The following LRRC17 variants were observed in gnomAD, a reference collection of about 807,000 sequenced individuals.
LRRC17 encodes the protein leucine-rich repeat-containing protein 17.
Under a neutral mutation model 41.5 loss-of-function variants are expected in LRRC17, and 33 were observed. That is an observed-to-expected ratio of 0.80 (90% CI 0.60 to 1.06). The LOEUF is 1.06. LRRC17 is among the 50% of genes least tolerant of loss of function. The pLI is 0.00. For missense variants in LRRC17, 491 were observed against 519.3 expected, an observed-to-expected ratio of 0.95 and a Z score of 0.53; for synonymous variants, 192 against 197.0, an observed-to-expected ratio of 0.97 and a Z score of 0.21.
intron 1 of LRRC17, among the ~76,000 whole-genome samples, chr7:102,922,963 G>A (rs1337147525): frequency 6.6e-6 from 1 of 152,130 alleles, no homozygotes. Context: ...GGGCGACAGA[G>A]CGAGACTCCG....
chr7:102,926,268 C>T lies in LRRC17; in HGVS notation c.-140-7506C>T. On this transcript the variant is annotated intron_variant, in intron 1 of 3. Coordinates refer to ENST00000339431, the MANE Select transcript of LRRC17 (RefSeq NM_001031692.3). ...TTCAGTGTCATACAAATAACACAAA[C>T]ATTACCTCGGCAGGAGTCGCATCGT... The T allele has an allele frequency of 2.5e-6, 4 of 1,611,516 alleles. No homozygotes were observed. In the African/African-American group the frequency reaches 5.3e-5, roughly 22 times the overall value.
intron 2 of LRRC17, chr7:102,936,214 C>G (rs1411331338): frequency 2.6e-5 from 4 of 152,212 alleles, no homozygotes; most frequent in African/African-American, 9.7e-5. Flanking sequence ...CTCCAGGTAC[C>G]CACACACGCA....
chr7:102,933,485 A>G (rs1197527828), intron 1 of LRRC17: 1 of 153,362 alleles, frequency 6.5e-6, no homozygotes, highest in East Asian at 1.9e-4. Context: ...TCTTATGCGC[A>G]TGAGCCTATT....
chr7:102,921,624 G>T (rs1278139646), intron 1 of LRRC17, among the ~76,000 whole-genome samples: 2 of 152,080 alleles, frequency 1.3e-5, no homozygotes, highest in Non-Finnish European at 2.9e-5. Context: ...AGGCTATGGT[G>T]AGCCGAGATC....
intron 1 of LRRC17, among the ~76,000 whole-genome samples, chr7:102,921,026 C>T (rs1816878527): frequency 6.6e-6 from 1 of 152,034 alleles, no homozygotes; most frequent in South Asian, 2.1e-4. Context: ...GTGGCGGGCA[C>T]CTGTAATCCC....
intron 1 of LRRC17, chr7:102,926,263 A>G: frequency 1.2e-6 from 2 of 1,610,752 alleles, no homozygotes; most frequent in Non-Finnish European, 1.7e-6. Context: ...TACAAATAAC[A>G]CAAACATTAC....
chr7:102,942,367 T>A, intron 3 of LRRC17: 1 of 1,526,222 alleles, frequency 6.6e-7, no homozygotes, highest in Non-Finnish European at 8.8e-7. Context: ...GCAGTGGGAG[T>A]TGCCAGACTT....
At chr7:102,939,895 T>C (rs577377912) in intron 3 of LRRC17, among the ~76,000 whole-genome samples, 2 of 140,444 alleles carry the variant, frequency 1.4e-5, no homozygotes, top group African/African-American at 5.0e-5. Context: ...AATGTAGTGG[T>C]TTTTTTTTTG....
intron 1 of LRRC17, among the ~76,000 whole-genome samples, chr7:102,921,285 A>C (rs1816960641): frequency 6.6e-6 from 1 of 152,258 alleles, no homozygotes; most frequent in South Asian, 2.1e-4. Context: ...AATAACATCA[A>C]AATAAAGAGA....
At chr7:102,939,120 C>A (rs1322477340) in intron 2 of LRRC17, among the ~76,000 whole-genome samples, 1 of 152,202 alleles carries the variant, frequency 6.6e-6, no homozygotes, top group African/African-American at 2.4e-5. Context: ...GATAAACAGG[C>A]TGCTTTCTAG....
intron 1 of LRRC17, among the ~76,000 whole-genome samples, chr7:102,931,120 A>T (rs571660593): frequency 6.6e-6 from 1 of 152,318 alleles, no homozygotes; most frequent in East Asian, 1.9e-4. Context: ...AGCTTGATAA[A>T]GAGGAAAGCA....
At chr7:102,943,175 A>G (rs1821784858) in intron 3 of LRRC17, among the ~76,000 whole-genome samples, 1 of 152,170 alleles carries the variant, frequency 6.6e-6, no homozygotes, top group Admixed American at 6.5e-5. Context: ...AACACTGGGA[A>G]AAGGTTGTTT....
At chr7:102,915,737 AC>A (rs1031917804) in intron 1 of LRRC17, among the ~76,000 whole-genome samples, 7 of 111,022 alleles carry the variant, frequency 6.3e-5, no homozygotes, top group African/African-American at 2.4e-4. Context: ...AAATAAAAAA[AC>A]ATTTATGAGT....
At chr7:102,913,458 A>C (rs764789049) in intron 1 of LRRC17, among the ~76,000 whole-genome samples, 1 of 152,228 alleles carries the variant, frequency 6.6e-6, no homozygotes, top group Non-Finnish European at 1.5e-5. Context: ...TAGTTCAATA[A>C]TATTTGCCTA....
intron 1 of LRRC17, among the ~76,000 whole-genome samples, chr7:102,922,098 G>A (rs1314418646): frequency 6.6e-6 from 1 of 151,964 alleles, no homozygotes. Flanking sequence ...GCTGAGGCAG[G>A]AGACTTGCTT....
At chr7:102,927,175 G>A (rs1818301747) in intron 1 of LRRC17, among the ~76,000 whole-genome samples, 1 of 152,200 alleles carries the variant, frequency 6.6e-6, no homozygotes, top group Non-Finnish European at 1.5e-5. Flanking sequence ...GCTGCTTTTT[G>A]TATAGGTAAC....
chr7:102,930,779 A>T (rs1480281497), intron 1 of LRRC17, among the ~76,000 whole-genome samples: 1 of 152,120 alleles, frequency 6.6e-6, no homozygotes, highest in Non-Finnish European at 1.5e-5. Flanking sequence ...GATCTTATTC[A>T]CGCTTATGAT....
chr7:102,919,416 T>C (rs1281438664), intron 1 of LRRC17, among the ~76,000 whole-genome samples: 1 of 152,212 alleles, frequency 6.6e-6, no homozygotes, highest in Admixed American at 6.5e-5. Flanking sequence ...AACAAATGCA[T>C]TGAAGCATTA....
In LRRC17 at chr7:102,944,591, T is replaced by C. The variant is rs1822126142; in HGVS notation, c.1310T>C (p.Ile437Thr). 1 of 1,605,820 alleles carries C rather than the reference T, an allele frequency of 6.2e-7. No individual in the cohort carries two copies. The change falls in exon 4 of 4, where the codon ATT becomes ACT. Residue 437 changes from isoleucine (I) to threonine (T), a missense_variant. Ile to Thr is a moderately conservative substitution (Grantham distance 89). Coordinates refer to ENST00000339431, the MANE Select transcript of LRRC17 (RefSeq NM_001031692.3). ...DHTAKKQSVI[I>T]TIVG ...ACCGCAAAGAAGCAAAGCGTAATAATTACTATAGTAGGATAAGGTAGAAAT... is the reference window on the plus strand; with the variant it reads ...ACCGCAAAGAAGCAAAGCGTAATAACTACTATAGTAGGATAAGGTAGAAAT...
Sources: allele counts gnomAD v4.1 joint callset (sites outside exome capture counted in the v4.1 genomes callset), GRCh38; gene constraint gnomAD v4.1.1; transcripts MANE v1.5; gene names NCBI Gene and HGNC (gene_info 2026-07-23, HGNC 2026-07-21).